The following ROBO1 variants were observed in gnomAD, a reference collection of about 807,000 sequenced individuals.
ROBO1 encodes the protein roundabout homolog 1.
Under a neutral mutation model 195.9 loss-of-function variants are expected in ROBO1, and 149 were observed. That is an observed-to-expected ratio of 0.76 (90% CI 0.67 to 0.87). The LOEUF (loss-of-function observed/expected upper bound fraction) is 0.87, where lower values mean the gene tolerates loss of function less well. ROBO1 is among the 40% of genes least tolerant of loss of function. The pLI is 0.00. For synonymous variants in ROBO1, 816 were observed against 733.2 expected (o/e 1.11, Z -1.82); for missense variants, 1,933 against 2,068.3 (o/e 0.93, Z 1.27).
intron 1 of ROBO1, among the ~76,000 whole-genome samples, chr3:79,679,341 A>T (rs973251587): frequency 6.6e-6 from 1 of 152,006 alleles, no homozygotes; most frequent in Non-Finnish European, 1.5e-5. Context: ...ATTCCATATT[A>T]TAGGTATGTA....
intron 2 of ROBO1, among the ~76,000 whole-genome samples, chr3:79,129,460 T>C (rs141660583): frequency 6.6e-6 from 1 of 152,072 alleles, no homozygotes; most frequent in Non-Finnish European, 1.5e-5. Context: ...AAACAGTATA[T>C]AAGTGGACAA....
intron 10 of ROBO1, among the ~76,000 whole-genome samples, chr3:78,674,744 G>C (rs1165387322): frequency 2.0e-5 from 3 of 152,064 alleles, no homozygotes; most frequent in Non-Finnish European, 4.4e-5. Context: ...CATGTCAGTT[G>C]GCACATGAAA....
chr3:78,605,554 C>G (rs746116937), intron 29 of ROBO1, among the ~76,000 whole-genome samples: 43 of 152,198 alleles, frequency 2.8e-4, no homozygotes, highest in Non-Finnish European at 5.4e-4. Flanking sequence ...TGCTGAAATT[C>G]AGACTTTGTC....
At chr3:79,153,272 T>C (rs2080804397) in intron 2 of ROBO1, among the ~76,000 whole-genome samples, 1 of 151,732 alleles carries the variant, frequency 6.6e-6, no homozygotes, top group South Asian at 2.1e-4. Flanking sequence ...CCTATCTTTA[T>C]CAGAGAGCAG....
intron 2 of ROBO1, among the ~76,000 whole-genome samples, chr3:79,256,838 G>A (rs1020704830): frequency 1.3e-5 from 2 of 152,060 alleles, no homozygotes; most frequent in African/African-American, 4.8e-5. Flanking sequence ...TTTGGTGTAG[G>A]AGCTCCAGGT....
chr3:79,009,827 A>G (rs1193243772), intron 3 of ROBO1, among the ~76,000 whole-genome samples: 1 of 152,230 alleles, frequency 6.6e-6, no homozygotes, highest in Non-Finnish European at 1.5e-5. Context: ...CAAAATCAAA[A>G]AATGAAAATG....
chr3:79,004,714 T>C (rs1319961378), intron 3 of ROBO1, among the ~76,000 whole-genome samples: 1 of 152,084 alleles, frequency 6.6e-6, no homozygotes, highest in Non-Finnish European at 1.5e-5. Flanking sequence ...GAAGCAGATG[T>C]TAGAAAAGCC....
At chr3:78,600,671 C>G (rs1427076678) in intron 29 of ROBO1, among the ~76,000 whole-genome samples, 1 of 152,064 alleles carries the variant, frequency 6.6e-6, no homozygotes, top group Admixed American at 6.6e-5. Context: ...GCTTTAGTTT[C>G]TACTTTTCCA....
At chr3:78,786,303 A>T (rs915903293) in intron 4 of ROBO1, among the ~76,000 whole-genome samples, 19 of 152,216 alleles carry the variant, frequency 1.2e-4, no homozygotes, top group Admixed American at 1.2e-3. Flanking sequence ...AATAAATATC[A>T]GAAAATACAT....
intron 2 of ROBO1, among the ~76,000 whole-genome samples, chr3:79,228,246 A>G (rs550261985): frequency 6.6e-6 from 1 of 152,312 alleles, no homozygotes; most frequent in East Asian, 1.9e-4. Flanking sequence ...GATATAGTTC[A>G]ATTCAGCTGC....
At chr3:79,201,816 T>G (rs1207545327) in intron 2 of ROBO1, among the ~76,000 whole-genome samples, 1 of 151,514 alleles carries the variant, frequency 6.6e-6, no homozygotes, top group South Asian at 2.1e-4. Context: ...ATTCACATAC[T>G]AGGTATTATT....
chr3:78,935,902 A>G (rs191930351), intron 4 of ROBO1, among the ~76,000 whole-genome samples: 428 of 152,136 alleles, frequency 2.8e-3, no homozygotes, highest in African/African-American at 9.2e-3. Context: ...CTAGCATTCC[A>G]ATTTTTTGAC....
intron 3 of ROBO1, among the ~76,000 whole-genome samples, chr3:79,111,966 T>C (rs981752481): frequency 2.6e-5 from 4 of 152,184 alleles, no homozygotes; most frequent in African/African-American, 9.6e-5. Flanking sequence ...GATGTTTTTC[T>C]AAGTGTAACA....
At chr3:79,023,348 T>A (rs1367015007) in intron 3 of ROBO1, among the ~76,000 whole-genome samples, 1 of 152,310 alleles carries the variant, frequency 6.6e-6, no homozygotes, top group South Asian at 2.1e-4. Context: ...AGTTTGGATA[T>A]GTAAGAAAAG....
intron 23 of ROBO1, 127 bp downstream of exon 23, chr3:78,635,646 G>T: frequency 3.6e-6 from 3 of 832,160 alleles, no homozygotes; most frequent in Non-Finnish European, 5.4e-6. Flanking sequence ...TGAAACCAAA[G>T]AAATAAGAAA....
intron 2 of ROBO1, among the ~76,000 whole-genome samples, chr3:79,179,821 T>C (rs1270559431): frequency 1.3e-5 from 2 of 152,166 alleles, no homozygotes; most frequent in African/African-American, 2.4e-5. Flanking sequence ...GAACATTTGG[T>C]TTATATTTTG....
At chr3:79,625,797 G>A (rs1945160463) in intron 1 of ROBO1, among the ~76,000 whole-genome samples, 1 of 152,036 alleles carries the variant, frequency 6.6e-6, no homozygotes, top group Non-Finnish European at 1.5e-5. Flanking sequence ...GAACTGGTAC[G>A]ATTCCTTCTG....
chr3:78,848,643 T>C (rs1242461866), intron 4 of ROBO1, among the ~76,000 whole-genome samples: 1 of 152,072 alleles, frequency 6.6e-6, no homozygotes, highest in Non-Finnish European at 1.5e-5. Flanking sequence ...AGTGAGCCAC[T>C]GTGGGAAAAA....
intron 2 of ROBO1, among the ~76,000 whole-genome samples, chr3:79,484,777 C>A (rs1289405238): frequency 7.9e-4 from 2 of 2,546 alleles, no homozygotes; most frequent in African/African-American, 2.6e-3. Context: ...TTTTTTGAGA[C>A]AGAGTCTCGC....
Sources: allele counts gnomAD v4.1 joint callset (sites outside exome capture counted in the v4.1 genomes callset), GRCh38; gene constraint gnomAD v4.1.1; transcripts MANE v1.5; gene names NCBI Gene and HGNC (gene_info 2026-07-23, HGNC 2026-07-21).